The following MPRIP variants were observed in gnomAD, a reference collection of about 807,000 sequenced individuals.
The protein encoded by MPRIP is myosin phosphatase Rho interacting protein, also known as myosin phosphatase Rho-interacting protein.
Under a neutral mutation model 234.9 loss-of-function variants are expected in MPRIP, and 59 were observed. That is an observed-to-expected ratio of 0.25 (90% CI 0.20 to 0.31). The LOEUF is 0.31. Ranked by LOEUF, MPRIP falls within the 10% of genes least tolerant of loss-of-function variation. MPRIP has a pLI of 1.00. For synonymous variants in MPRIP, 1,144 were observed against 1,263.9 expected, an observed-to-expected ratio of 0.91 and a Z score of 2.01; for missense variants, 2,436 against 3,071.0, an observed-to-expected ratio of 0.79 and a Z score of 4.89.
intron 23 of MPRIP, among the ~76,000 whole-genome samples, chr17:17,180,841 A>C (rs896275896): frequency 1.3e-5 from 2 of 152,256 alleles, no homozygotes; most frequent in Non-Finnish European, 2.9e-5. Flanking sequence ...CTCTTAACAG[A>C]GATGACCCTG....
chr17:17,107,921 G>A (rs1346363412), intron 3 of MPRIP, among the ~76,000 whole-genome samples: 3 of 152,186 alleles, frequency 2.0e-5, no homozygotes, highest in Non-Finnish European at 4.4e-5. Flanking sequence ...TGGTATGCCC[G>A]CTTAGGGCCA....
At chr17:17,118,150 G>A (rs2090320417) in intron 3 of MPRIP, among the ~76,000 whole-genome samples, 1 of 152,242 alleles carries the variant, frequency 6.6e-6, no homozygotes, top group African/African-American at 2.4e-5. Flanking sequence ...CTAAGGTCCT[G>A]GGAGTCTCAC....
At chr17:17,111,733 G>A (rs1299020793) in intron 3 of MPRIP, among the ~76,000 whole-genome samples, 2 of 152,134 alleles carry the variant, frequency 1.3e-5, no homozygotes, top group African/African-American at 2.4e-5. Flanking sequence ...TGTTACGGGC[G>A]GTACCAACAG....
At chr17:17,091,958 A>G (rs915461167) in intron 3 of MPRIP, among the ~76,000 whole-genome samples, 1 of 152,214 alleles carries the variant, frequency 6.6e-6, no homozygotes, top group African/African-American at 2.4e-5. Context: ...CCAGTTGAAT[A>G]TTGTTGCAAA....
In MPRIP at chr17:17,172,827, G is replaced by T; in HGVS notation, c.6590+12G>T. ...CGGCGCCAGTACCTGTAAGTGGCTG[G>T]GCCTGCCCATCTGCCCTTGGGAGGG... On this transcript the variant is annotated intron_variant, in intron 18 of 23. Coordinates refer to ENST00000651222, the MANE Select transcript of MPRIP (RefSeq NM_001364716.4). 1 of 1,608,156 alleles carries T rather than the reference G, an allele frequency of 6.2e-7. No homozygotes were observed. Among genetic ancestry groups the T allele is most frequent in the Non-Finnish European group, 8.5e-7 (1 of 1,176,982 alleles).
At chr17:17,086,783 C>G (rs2089600679) in intron 3 of MPRIP, among the ~76,000 whole-genome samples, 1 of 152,144 alleles carries the variant, frequency 6.6e-6, no homozygotes, top group East Asian at 1.9e-4. Context: ...TTTACGGTGA[C>G]TCATGAAAGT....
Position 17,111,166 on chromosome 17 carries a change from AAAG to A in MPRIP, c.268-15533_268-15531del, listed in dbSNP as rs773708418. On this transcript the variant is annotated intron_variant, in intron 3 of 23. Coordinates refer to ENST00000651222, the MANE Select transcript of MPRIP (RefSeq NM_001364716.4). ...AGTTTAAAAAAAAAAACCAAAAAAA[AAAG>A]AAAAAACCTCTAGGCACAGTGTCGT... Among the ~76,000 whole-genome samples the A allele has an allele frequency of 4.0e-3, 587 of 146,496 alleles. 34 individuals are homozygous for A. In the East Asian group the frequency reaches 0.1, roughly 26 times the overall value.
At chr17:17,154,628 G>A (rs904968628) in intron 13 of MPRIP, among the ~76,000 whole-genome samples, 4 of 152,218 alleles carry the variant, frequency 2.6e-5, no homozygotes, top group East Asian at 1.9e-4. Context: ...AAGCCCAAGC[G>A]TTTCATCTTG....
Position 17,180,695 on chromosome 17 carries a change from A to G in MPRIP, c.7206+607A>G, listed in dbSNP as rs559202479. 3.8e-6 allele frequency: 6 copies of G among 1,598,710 alleles called. No homozygotes were observed. The East Asian group carries it at 1.1e-4, about 30-fold the overall frequency. On this transcript the variant is annotated intron_variant, in intron 23 of 23. Transcript: ENST00000651222. ...GTAAACCGCCTCTCCCACCGCCTGCATGCACTGCTCACACCCCCATGGCAA... is the reference window on the plus strand; with the variant it reads ...GTAAACCGCCTCTCCCACCGCCTGCGTGCACTGCTCACACCCCCATGGCAA...
intron 1 of MPRIP, among the ~76,000 whole-genome samples, chr17:17,067,789 CCTTT>C (rs2089081148): frequency 1.7e-4 from 15 of 88,062 alleles, no homozygotes; most frequent in African/African-American, 6.1e-4. Context: ...TCTTCTTCTT[CCTTT>C]TTTTTTTTTT....
chr17:17,172,329 C>T (rs764919843), intron 17 of MPRIP, among the ~76,000 whole-genome samples: 1 of 152,256 alleles, frequency 6.6e-6, no homozygotes, highest in Non-Finnish European at 1.5e-5. Flanking sequence ...TAATCGCCAC[C>T]TCAGTGGTTT....
chr17:17,149,924 C>T (rs539312748), intron 11 of MPRIP: 15 of 456,870 alleles, frequency 3.3e-5, no homozygotes, highest in African/African-American at 8.0e-5. Flanking sequence ...GGACCACTGG[C>T]GTGGACTATC....
intron 3 of MPRIP, among the ~76,000 whole-genome samples, chr17:17,112,394 C>T (rs971847377): frequency 6.6e-6 from 1 of 152,318 alleles, no homozygotes; most frequent in Middle Eastern, 3.4e-3. Context: ...TCTCTTCCCC[C>T]CGTATCATGA....
At chr17:17,087,473 G>T (rs554822282) in intron 3 of MPRIP, among the ~76,000 whole-genome samples, 21 of 152,356 alleles carry the variant, frequency 1.4e-4, no homozygotes, top group African/African-American at 4.8e-4. Flanking sequence ...GTGCCAGAGT[G>T]AGCAGGCAAA....
chr17:17,154,546 C>T lies in MPRIP; in HGVS notation c.1829+131C>T, dbSNP rs2045685702. 5 of 696,558 alleles carry T rather than the reference C, an allele frequency of 7.2e-6. No homozygotes were observed. The East Asian group carries it at 1.3e-4, about 19-fold the overall frequency. 43.1% of individuals were successfully genotyped at this position (696,558 alleles called of 1,614,324 possible). ...CATCCCAGTCTGCTGCTCCTTCCTT[C>T]CTGTGTCCTTCTGTTGCTCAGGTTC... On this transcript the variant is annotated intron_variant, in intron 13 of 23. Transcript: ENST00000651222.
chr17:17,158,432 C>T lies in MPRIP; in HGVS notation c.1830C>T (p.Ser610=). 4 of 1,556,608 alleles carry T rather than the reference C, an allele frequency of 2.6e-6. No individual in the cohort carries two copies. Among genetic ancestry groups the T allele is most frequent in the Non-Finnish European group, 3.5e-6 (4 of 1,151,332 alleles). Residue 610 remains serine, a splice_region_variant and synonymous_variant, in exon 14 of 24, where the codon AGC becomes AGT. Transcript: ENST00000651222. The part of the protein sequence containing the change: ...VHPTTAPDVT[S]SLPEEKNKSS... Reference sequence around the variant, plus strand: ...CTATGTCCATCCTCCTGCCCCACAGCTCGTTGCCAGAGGAAAAAAACAAGA... The same window carrying T: ...CTATGTCCATCCTCCTGCCCCACAGTTCGTTGCCAGAGGAAAAAAACAAGA...
At chr17:17,175,046 C>G (rs1322754476) in intron 19 of MPRIP, among the ~76,000 whole-genome samples, 1 of 152,202 alleles carries the variant, frequency 6.6e-6, no homozygotes, top group African/African-American at 2.4e-5. Flanking sequence ...GCTGCTCAGG[C>G]AGGACTGGGT....
intron 3 of MPRIP, among the ~76,000 whole-genome samples, chr17:17,108,095 C>CT: frequency 6.6e-6 from 1 of 152,362 alleles, no homozygotes; most frequent in East Asian, 1.9e-4. Context: ...ATGGCCCTCC[C>CT]TCCTGCCTTG....
chr17:17,096,995 C>T (rs935465704), intron 3 of MPRIP: 6 of 334,864 alleles, frequency 1.8e-5, no homozygotes, highest in African/African-American at 8.6e-5. Flanking sequence ...GCCCGGCTAT[C>T]GTAGCCAGGC....
Sources: gnomAD v4.1 joint callset for allele counts (sites outside exome capture counted in the v4.1 genomes callset) on GRCh38, gnomAD v4.1.1 for gene constraint, MANE v1.5 for transcripts, NCBI Gene and HGNC (gene_info 2026-07-23, HGNC 2026-07-21) for gene names.